The following ATP9B variants were observed in gnomAD, a reference collection of about 807,000 sequenced individuals.
ATP9B encodes probable phospholipid-transporting ATPase IIB.
A neutral mutation model predicts 146.1 loss-of-function variants in ATP9B; 110 were observed. That is an observed-to-expected ratio of 0.75 (90% confidence interval 0.65 to 0.88). The LOEUF (loss-of-function observed/expected upper bound fraction) is 0.88. ATP9B is among the 40% of genes least tolerant of loss of function. The probability of loss-of-function intolerance (pLI) is 0.00; values close to 1 mark genes in which losing one functional copy is unlikely to be tolerated. For missense variants in ATP9B, 1,499 were observed against 1,496.4 expected (o/e 1.00, Z -0.03); for synonymous variants, 604 against 569.7 (o/e 1.06, Z -0.86).
intron 14 of ATP9B, among the ~76,000 whole-genome samples, chr18:79,304,858 G>A (rs1268859033): frequency 2.0e-5 from 3 of 152,208 alleles, no homozygotes; most frequent in South Asian, 2.1e-4. Context: ...TGCAGTGTGC[G>A]TCACAAATTT....
intron 5 of ATP9B, among the ~76,000 whole-genome samples, chr18:79,131,155 C>G (rs1374158547): frequency 6.6e-6 from 1 of 151,378 alleles, no homozygotes; most frequent in African/African-American, 2.4e-5. Flanking sequence ...AGCAAGACTC[C>G]GTCTCAAAAA....
At chr18:79,267,876 C>G (rs2096219090) in intron 12 of ATP9B, among the ~76,000 whole-genome samples, 1 of 152,040 alleles carries the variant, frequency 6.6e-6, no homozygotes, top group Admixed American at 6.5e-5. Flanking sequence ...GATTCTTAAT[C>G]TTGTTTTTCA....
intron 13 of ATP9B, among the ~76,000 whole-genome samples, chr18:79,293,491 G>A (rs1413896815): frequency 1.3e-5 from 2 of 152,090 alleles, no homozygotes; most frequent in Non-Finnish European, 2.9e-5. Flanking sequence ...TGTTAGAAAA[G>A]CCACTTTGGC....
intron 26 of ATP9B, chr18:79,364,277 AAAAGAAAAG>A (rs1429801407): frequency 6.6e-6 from 1 of 150,564 alleles, no homozygotes; most frequent in African/African-American, 2.5e-5. Context: ...AAAAAAAAAA[AAAAGAAAAG>A]AAAAAAAAGA....
chr18:79,176,797 A>G lies in ATP9B; in HGVS notation c.779-16A>G, dbSNP rs2095178147. Reference sequence around the variant, plus strand: ...AACAATTCAAGAGTGGTAAATTTTTATTCTCTACTTCCAAGGTTCGTGTTT... The same window carrying G: ...AACAATTCAAGAGTGGTAAATTTTTGTTCTCTACTTCCAAGGTTCGTGTTT... On this transcript the variant is annotated splice_polypyrimidine_tract_variant and intron_variant, in intron 7 of 29. Coordinates refer to ENST00000426216, the MANE Select transcript of ATP9B (RefSeq NM_198531.5). 4 of 1,610,954 alleles carry G rather than the reference A, an allele frequency of 2.5e-6. No homozygotes were observed. Among genetic ancestry groups the G allele is most frequent in the Non-Finnish European group, 3.4e-6 (4 of 1,177,326 alleles).
chr18:79,244,108 G>C (rs770127795), intron 11 of ATP9B, among the ~76,000 whole-genome samples: 1 of 152,050 alleles, frequency 6.6e-6, no homozygotes, highest in Non-Finnish European at 1.5e-5. Context: ...GAAATAAGCA[G>C]GTGGAAAGTA....
chr18:79,245,172 G>T (rs2095931522), intron 11 of ATP9B, among the ~76,000 whole-genome samples: 1 of 152,120 alleles, frequency 6.6e-6, no homozygotes, highest in Non-Finnish European at 1.5e-5. Flanking sequence ...CTAAAGTCCT[G>T]GGTATTGTGT....
rs763076944 is a variant in ATP9B, at chr18:79,110,408, G to T, written c.347G>T (p.Arg116Leu). 12 of 1,610,150 alleles carry T rather than the reference G, an allele frequency of 7.5e-6. No individual in the cohort carries two copies. The highest frequency in any genetic ancestry group is 6.7e-5 in the Admixed American group (4 of 59,574). Residue 116 changes from arginine (R) to leucine (L), a missense_variant, in exon 3 of 30, where the codon CGC (arginine) becomes CTC (leucine). Physicochemically the swap from Arg to Leu is moderately radical, Grantham distance 102. Coordinates refer to ENST00000426216, the MANE Select transcript of ATP9B (RefSeq NM_198531.5). ...ICRRKKELKARTVWLGCPEKC... is the reference protein window; with the variant it reads ...ICRRKKELKALTVWLGCPEKC... Reference sequence around the variant, plus strand: ...CGAAGAAAGAAAGAGCTGAAAGCTCGCACAGTATGGCTTGGATGTCCTGAA... The same window carrying T: ...CGAAGAAAGAAAGAGCTGAAAGCTCTCACAGTATGGCTTGGATGTCCTGAA...
At chr18:79,102,972 T>C (rs939763273) in intron 2 of ATP9B, among the ~76,000 whole-genome samples, 1 of 152,228 alleles carries the variant, frequency 6.6e-6, no homozygotes, top group Non-Finnish European at 1.5e-5. Flanking sequence ...TGTTAGATCC[T>C]TTATCCTATA....
intron 2 of ATP9B, among the ~76,000 whole-genome samples, chr18:79,103,414 T>A (rs1054281409): frequency 2.0e-5 from 3 of 152,104 alleles, no homozygotes; most frequent in Non-Finnish European, 4.4e-5. Flanking sequence ...ATTGTGGTGA[T>A]CGTGGAAGCC....
intron 11 of ATP9B, among the ~76,000 whole-genome samples, chr18:79,236,295 G>C (rs984168907): frequency 3.3e-5 from 5 of 152,112 alleles, no homozygotes; most frequent in African/African-American, 1.2e-4. Context: ...GTCTTGGTTT[G>C]GGAATTTCCT....
chr18:79,373,906 C>T lies in ATP9B; in HGVS notation c.3079C>T (p.Leu1027Phe). The T allele has an allele frequency of 6.2e-7, 1 of 1,612,778 alleles. No homozygotes were observed. The highest frequency in any genetic ancestry group is 8.5e-7 in the Non-Finnish European group (1 of 1,180,022). ...CTCCTGCTGTTTTTCAGGCGGCATC[C>T]TCATGTATGGGGCCCTGGTGCTCTT... ...VLISIYQGGILMYGALVLFES... is the reference protein window; with the variant it reads ...VLISIYQGGIFMYGALVLFES... The change falls in exon 28 of 30, where the codon CTC (leucine) becomes TTC (phenylalanine). Residue 1027 changes from leucine to phenylalanine, a missense_variant. By Grantham distance (22) the Leu-to-Phe change is conservative. Transcript: ENST00000426216.
intron 13 of ATP9B, among the ~76,000 whole-genome samples, chr18:79,279,245 C>T (rs1216309750): frequency 6.6e-6 from 1 of 152,148 alleles, no homozygotes; most frequent in Non-Finnish European, 1.5e-5. Context: ...CGTGGAGAGG[C>T]TTTTGGGGAG....
Position 79,206,948 on chromosome 18 carries a change from C to A in ATP9B, c.966C>A (p.Asp322Glu), listed in dbSNP as rs758450595. 6.2e-7 allele frequency: 1 copy of A among 1,613,966 alleles called. No homozygotes were observed. Among genetic ancestry groups the A allele is most frequent in the East Asian group, 2.2e-5 (1 of 44,886 alleles). The change falls in exon 10 of 30, where the codon GAC (aspartate) becomes GAA (glutamate). Residue 322 changes from aspartate to glutamate, a missense_variant. Coordinates refer to ENST00000426216, the MANE Select transcript of ATP9B (RefSeq NM_198531.5). ...FEGTFTREDSDPPIHESLSIE... is the reference protein window; with the variant it reads ...FEGTFTREDSEPPIHESLSIE... ...GTCTCCCTGCACAGGAAGACAGTGA[C>A]CCGCCCATTCATGAAAGTCTCAGCA...
intron 1 of ATP9B, among the ~76,000 whole-genome samples, chr18:79,079,019 C>T (rs1189980239): frequency 2.0e-5 from 3 of 152,150 alleles, no homozygotes; most frequent in Non-Finnish European, 2.9e-5. Flanking sequence ...GCATAGTATT[C>T]CATGGTGTAT....
At chr18:79,274,084 T>C (rs1280815168) in intron 12 of ATP9B, among the ~76,000 whole-genome samples, 2 of 152,188 alleles carry the variant, frequency 1.3e-5, no homozygotes, top group Admixed American at 1.3e-4. Flanking sequence ...AAATTAGCAA[T>C]AAAATGAGCT....
At chr18:79,287,312 T>G (rs1311639904) in intron 13 of ATP9B, among the ~76,000 whole-genome samples, 2 of 152,262 alleles carry the variant, frequency 1.3e-5, no homozygotes, top group African/African-American at 4.8e-5. Context: ...TATTGGTCTA[T>G]TCAGAGATTC....
At chr18:79,347,953 T>G in intron 24 of ATP9B, 28 bp downstream of exon 24, 1 of 1,606,898 alleles carries the variant, frequency 6.2e-7, no homozygotes, top group Non-Finnish European at 8.5e-7. Context: ...CTGGCACCCA[T>G]GGAGGGCAGG....
chr18:79,299,299 C>G (rs1029979009), intron 13 of ATP9B, among the ~76,000 whole-genome samples: 1 of 152,164 alleles, frequency 6.6e-6, no homozygotes, highest in Non-Finnish European at 1.5e-5. Flanking sequence ...CTCCTCACCC[C>G]CTCCTCCCTC....
Sources: allele counts gnomAD v4.1 joint callset (sites outside exome capture counted in the v4.1 genomes callset), GRCh38; gene constraint gnomAD v4.1.1; transcripts MANE v1.5; gene names NCBI Gene and HGNC (gene_info 2026-07-23, HGNC 2026-07-21).